The following HOMER2 variants were observed in gnomAD, a reference collection of about 807,000 sequenced individuals.
HOMER2 encodes the protein homer protein homolog 2.
A neutral mutation model predicts 47.0 loss-of-function variants in HOMER2; 27 were observed. That is an observed-to-expected ratio of 0.57 (90% CI 0.42 to 0.79). The LOEUF (loss-of-function observed/expected upper bound fraction) is 0.79, where lower values mean the gene tolerates loss of function less well. Ranked by LOEUF, HOMER2 falls within the 30% of genes least tolerant of loss-of-function variation. The pLI is 0.00. For synonymous variants in HOMER2, 161 were observed against 163.8 expected, an observed-to-expected ratio of 0.98 and a Z score of 0.13; for missense variants, 443 against 435.0, an observed-to-expected ratio of 1.02 and a Z score of -0.16.
intron 5 of HOMER2, among the ~76,000 whole-genome samples, chr15:82,856,261 T>A (rs1291602504): frequency 6.6e-6 from 1 of 152,178 alleles, no homozygotes; most frequent in African/African-American, 2.4e-5. Flanking sequence ...TTTGAAAACA[T>A]TTATTTTTAG....
intron 1 of HOMER2, among the ~76,000 whole-genome samples, chr15:82,916,044 C>T (rs2053580554): frequency 1.3e-5 from 2 of 152,176 alleles, no homozygotes; most frequent in Non-Finnish European, 2.9e-5. Context: ...TGCTGAGTCC[C>T]AGCCTAGCTA....
At chr15:82,874,338 C>A (rs1453220783) in intron 3 of HOMER2, among the ~76,000 whole-genome samples, 3 of 152,224 alleles carry the variant, frequency 2.0e-5, no homozygotes, top group East Asian at 3.8e-4. Context: ...CAATAAATTT[C>A]TTTGACTTGT....
chr15:82,923,635 A>C (rs935749158), intron 1 of HOMER2, among the ~76,000 whole-genome samples: 45 of 152,192 alleles, frequency 3.0e-4, no homozygotes, highest in African/African-American at 1.1e-3. Flanking sequence ...TGGACAGTAC[A>C]GGGAGCTGAG....
At chr15:82,876,266 G>A (rs1205269407) in intron 2 of HOMER2, among the ~76,000 whole-genome samples, 4 of 152,268 alleles carry the variant, frequency 2.6e-5, no homozygotes, top group Non-Finnish European at 5.9e-5. Flanking sequence ...GCAGTGTCAA[G>A]AAGGGTAGAG....
intron 4 of HOMER2, among the ~76,000 whole-genome samples, chr15:82,860,955 A>AAGAGAGAGAGAGAGAGAGAGAGAGAGAG (rs1555420258): frequency 1.4e-5 from 1 of 71,134 alleles, no homozygotes; most frequent in African/African-American, 6.2e-5. Context: ...AAGATAGAAG[A>AAGAGAGAGAGAGAGAGAGAGAGAGAGAG]TGAGAGAGAG....
At chr15:82,914,176 A>AAC (rs2053520013) in intron 1 of HOMER2, among the ~76,000 whole-genome samples, 1 of 108,536 alleles carries the variant, frequency 9.2e-6, no homozygotes, top group African/African-American at 4.0e-5. Context: ...CTCTACTAAA[A>AAC]ATACACACAC....
At chr15:82,903,597 C>T (rs911431820) in intron 1 of HOMER2, among the ~76,000 whole-genome samples, 2 of 151,814 alleles carry the variant, frequency 1.3e-5, no homozygotes, top group African/African-American at 4.8e-5. Context: ...CCAGCCTGGG[C>T]AACAAGAGCG....
chr15:82,865,484 A>T (rs1034900172), intron 3 of HOMER2, among the ~76,000 whole-genome samples: 7 of 152,224 alleles, frequency 4.6e-5, no homozygotes, highest in Non-Finnish European at 8.8e-5. Flanking sequence ...AGGAAAAAAA[A>T]ATCATGTAAA....
At chr15:82,957,147 C>G (rs1429688897), upstream of HOMER2, among the ~76,000 whole-genome samples, 1 of 152,088 alleles carries the variant, frequency 6.6e-6, no homozygotes, top group Admixed American at 6.5e-5. Context: ...CATGGTGGCA[C>G]ATGCCTGTAA....
At chr15:82,892,562 G>T (rs1020330070) in intron 2 of HOMER2, 123 bp downstream of exon 2, 5 of 727,188 alleles carry the variant, frequency 6.9e-6, no homozygotes, top group South Asian at 5.0e-5. Context: ...AATGCAAAAA[G>T]AACAGAATAT....
rs554826145 is a variant in HOMER2, at chr15:82,909,215, G to A, written c.6-16374C>T. Among the ~76,000 whole-genome samples, 23 of 152,278 alleles carry A rather than the reference G, an allele frequency of 1.5e-4. No homozygotes were observed. In the South Asian group the frequency reaches 2.9e-3, roughly 19 times the overall value. On this transcript the variant is annotated intron_variant, in intron 1 of 8. Transcript: ENST00000450735. ...GTTGGAAGTAAATGCTTGGTGCTGCGAAGTGAAAACAGCACTCAGGCAAAA... is the reference window on the plus strand; with the variant it reads ...GTTGGAAGTAAATGCTTGGTGCTGCAAAGTGAAAACAGCACTCAGGCAAAA...
upstream of HOMER2, among the ~76,000 whole-genome samples, chr15:82,953,780 G>A (rs760986742): frequency 5.3e-5 from 8 of 152,150 alleles, no homozygotes; most frequent in Non-Finnish European, 1.2e-4. Context: ...CTACTCCGGA[G>A]GCTGACGCAC....
intron 1 of HOMER2, among the ~76,000 whole-genome samples, chr15:82,978,150 G>A (rs2030270116): frequency 6.6e-6 from 1 of 151,908 alleles, no homozygotes; most frequent in Admixed American, 6.6e-5. Context: ...ACCCCATATT[G>A]AAATAAACAA....
At chr15:82,984,388 C>T (rs1164373839) in intron 1 of HOMER2, among the ~76,000 whole-genome samples, 1 of 152,212 alleles carries the variant, frequency 6.6e-6, no homozygotes, top group Non-Finnish European at 1.5e-5. Context: ...CTACCCAACA[C>T]CAAGACTATC....
chr15:82,858,772 T>TTG (rs752830788), intron 5 of HOMER2, among the ~76,000 whole-genome samples: 1 of 151,710 alleles, frequency 6.6e-6, no homozygotes, highest in Non-Finnish European at 1.5e-5. Flanking sequence ...CTCCACACAT[T>TTG]TACATACTCA....
chr15:82,962,062 C>T (rs940381733), intron 1 of HOMER2, among the ~76,000 whole-genome samples: 1 of 152,012 alleles, frequency 6.6e-6, no homozygotes, highest in African/African-American at 2.4e-5. Flanking sequence ...CTGCACCCAG[C>T]CCACACAAAC....
downstream of HOMER2, among the ~76,000 whole-genome samples, chr15:82,836,419 G>A (rs149214781): frequency 6.0e-3 from 920 of 152,326 alleles, 6 homozygotes; most frequent in Admixed American, 0.012. Context: ...CCCTGCCCCT[G>A]CCACAGGTTT....
intron 1 of HOMER2, among the ~76,000 whole-genome samples, chr15:82,895,062 A>C (rs1172876733): frequency 6.6e-6 from 1 of 152,200 alleles, no homozygotes; most frequent in Non-Finnish European, 1.5e-5. Flanking sequence ...GAAATGCAGC[A>C]ATCTTCTTTA....
chr15:82,922,180 G>C (rs1596356694), intron 1 of HOMER2, among the ~76,000 whole-genome samples: 1 of 152,224 alleles, frequency 6.6e-6, no homozygotes, highest in Middle Eastern at 3.4e-3. Context: ...AACACTGAAA[G>C]ACCTTCCTTG....
Sources: gnomAD v4.1 joint callset for allele counts (sites outside exome capture counted in the v4.1 genomes callset) on GRCh38, gnomAD v4.1.1 for gene constraint, MANE v1.5 for transcripts, NCBI Gene and HGNC (gene_info 2026-07-23, HGNC 2026-07-21) for gene names.